ARHGAP28: variants seen among roughly 807,000 people sequenced by gnomAD.
ARHGAP28 encodes the protein Rho GTPase activating protein 28, also known as rho GTPase-activating protein 28.
ARHGAP28 carries 56 observed loss-of-function variants against 90.7 expected under a neutral mutation model. The ratio of observed to expected loss-of-function variants is 0.62; its 90% CI spans 0.50 to 0.77. The LOEUF (loss-of-function observed/expected upper bound fraction) is 0.77, where lower values mean the gene tolerates loss of function less well. ARHGAP28 is among the 30% of genes least tolerant of loss of function. The pLI, the probability that ARHGAP28 is intolerant of heterozygous loss-of-function variation, is 0.00. For missense variants in ARHGAP28, 869 were observed against 900.9 expected (o/e 0.96, Z 0.45); for synonymous variants, 308 against 323.3 (o/e 0.95, Z 0.51).
Position 6,915,483 on chromosome 18 carries a change from AAC to A in ARHGAP28, c.*3331_*3332del, listed in dbSNP as rs1259805550. ...AAAATGTTTGTTTTCAAGCATTTTT[AAC>A]AGTTTTACACACTTACATACACCTT... On this transcript the variant is annotated 3_prime_UTR_variant, in exon 18 of 18. Transcript: ENST00000383472. 1 of 152,078 alleles carries A rather than the reference AAC, an allele frequency of 6.6e-6. No homozygotes were observed. The highest frequency in any genetic ancestry group is 1.9e-4 in the East Asian group (1 of 5,174). 9.4% of individuals were successfully genotyped at this position (152,078 alleles called of 1,614,324 possible).
chr18:6,776,722 C>T (rs910263470), intron 1 of ARHGAP28, among the ~76,000 whole-genome samples: 13 of 152,102 alleles, frequency 8.5e-5, no homozygotes, highest in African/African-American at 2.7e-4. Context: ...CAAGGAGAAA[C>T]GGGGTGTCAG....
chr18:6,760,038 T>C (rs779752660), intron 1 of ARHGAP28, among the ~76,000 whole-genome samples: 14 of 152,204 alleles, frequency 9.2e-5, no homozygotes, highest in Non-Finnish European at 1.5e-4. Context: ...AAGAATTCAA[T>C]GTGCTAAAAT....
intron 1 of ARHGAP28, among the ~76,000 whole-genome samples, chr18:6,780,571 A>AGGTCGTGGC (rs2056316325): frequency 6.6e-6 from 1 of 152,060 alleles, no homozygotes; most frequent in African/African-American, 2.4e-5. Context: ...TATAACATTT[A>AGGTCGTGGC]AGCAATGGAG....
chr18:6,809,758 C>G (rs1483552900), intron 1 of ARHGAP28, among the ~76,000 whole-genome samples: 1 of 152,182 alleles, frequency 6.6e-6, no homozygotes, highest in Non-Finnish European at 1.5e-5. Context: ...GGCCGCACCT[C>G]CAACATTGGG....
chr18:6,907,555 T>A (rs928235818), intron 16 of ARHGAP28, among the ~76,000 whole-genome samples: 3 of 152,178 alleles, frequency 2.0e-5, no homozygotes, highest in Admixed American at 6.5e-5. Context: ...ACAAAAATGT[T>A]TCATACTGTG....
chr18:6,850,652 C>A (rs1441510715), intron 3 of ARHGAP28: 5 of 626,394 alleles, frequency 8.0e-6, no homozygotes, highest in Non-Finnish European at 1.3e-5. Flanking sequence ...CCCAGACACT[C>A]CACCAAGTAG....
intron 2 of ARHGAP28, among the ~76,000 whole-genome samples, chr18:6,825,641 G>T (rs58598552): frequency 0.014 from 2,158 of 152,078 alleles, 45 homozygotes; most frequent in African/African-American, 0.049. Context: ...AGTGTCTATT[G>T]TGCCCATGTT....
In ARHGAP28 at chr18:6,833,610, A is replaced by G. The variant is rs76832170; in HGVS notation, c.326-3587A>G. On this transcript the variant is annotated intron_variant, in intron 2 of 17. Transcript: ENST00000383472. ...CCAATGACTTAGACTCAGGTTATAC[A>G]TCTTTGGCAAGTTGTGATGTTGTGT... Among the ~76,000 whole-genome samples the G allele has an allele frequency of 1.3e-3, 195 of 152,252 alleles. 2 individuals are homozygous for G. In the East Asian group the frequency reaches 0.036, roughly 28 times the overall value.
At chr18:6,819,730 C>T (rs2056614420) in intron 1 of ARHGAP28, among the ~76,000 whole-genome samples, 1 of 152,188 alleles carries the variant, frequency 6.6e-6, no homozygotes, top group South Asian at 2.1e-4. Flanking sequence ...AGAGAGAGAT[C>T]TCTGTAGTCC....
chr18:6,810,653 CT>C (rs1230517659), intron 1 of ARHGAP28, among the ~76,000 whole-genome samples: 1 of 151,882 alleles, frequency 6.6e-6, no homozygotes, highest in African/African-American at 2.4e-5. Flanking sequence ...GGGTTAAGGA[CT>C]GGAAATGTAT....
intron 5 of ARHGAP28, among the ~76,000 whole-genome samples, chr18:6,867,779 G>A (rs961940370): frequency 1.3e-5 from 2 of 151,896 alleles, no homozygotes; most frequent in Admixed American, 6.6e-5. Context: ...TATAATTATC[G>A]AATTATATGA....
chr18:6,896,684 T>A (rs2143785872), intron 16 of ARHGAP28, 58 bp downstream of exon 16: 1 of 1,593,434 alleles, frequency 6.3e-7, no homozygotes, highest in Middle Eastern at 1.9e-4. Context: ...ATCAGATGAA[T>A]AACTTTCTAG....
At chr18:6,879,951 C>A (rs1166834529) in intron 10 of ARHGAP28, among the ~76,000 whole-genome samples, 1 of 152,176 alleles carries the variant, frequency 6.6e-6, no homozygotes. Context: ...TGCCCTGTTG[C>A]CCCTTAGGTG....
chr18:6,782,683 C>T (rs1034340448), intron 1 of ARHGAP28, among the ~76,000 whole-genome samples: 3 of 137,090 alleles, frequency 2.2e-5, no homozygotes, highest in Non-Finnish European at 4.6e-5. Context: ...CTCCTGACCT[C>T]AGGTGATCCA....
chr18:6,880,797 A>G (rs1357769155), intron 10 of ARHGAP28, among the ~76,000 whole-genome samples: 2 of 152,258 alleles, frequency 1.3e-5, no homozygotes, highest in East Asian at 3.9e-4. Flanking sequence ...TTCTTATAGC[A>G]TGTGCACTCT....
rs2057381796 is a variant in ARHGAP28 at position 6,909,273 on chromosome 18, T to TTC, written c.2095+249_2095+250insTC. Among the ~76,000 whole-genome samples the TTC allele has an allele frequency of 3.5e-5, 2 of 57,098 alleles. 1 individual carries two copies. The highest frequency in any genetic ancestry group is 9.5e-5 in the Non-Finnish European group (2 of 21,098). 37.5% of individuals were successfully genotyped at this position (57,098 alleles called of 152,430 possible). Reference sequence around the variant, plus strand: ...GTCTTTTCTTTTCTTTTCTTTTCTTTGCTTTTCTTTTCTTTTCTTTTCTTT... The same window carrying TTC: ...GTCTTTTCTTTTCTTTTCTTTTCTTTTCGCTTTTCTTTTCTTTTCTTTTCTTT... On this transcript the variant is annotated intron_variant, in intron 17 of 17. Coordinates refer to ENST00000383472, the MANE Select transcript of ARHGAP28 (RefSeq NM_001366230.1).
chr18:6,902,818 A>T (rs952124317), intron 16 of ARHGAP28, among the ~76,000 whole-genome samples: 2 of 152,220 alleles, frequency 1.3e-5, no homozygotes, highest in African/African-American at 2.4e-5. Flanking sequence ...ACCTGTGGGT[A>T]CGTGGCCAAA....
chr18:6,756,169 A>G (rs990685391), intron 1 of ARHGAP28, among the ~76,000 whole-genome samples: 2 of 152,208 alleles, frequency 1.3e-5, no homozygotes, highest in East Asian at 1.9e-4. Flanking sequence ...AACATTAAGT[A>G]AAGACCTTAG....
intron 1 of ARHGAP28, among the ~76,000 whole-genome samples, chr18:6,761,735 T>C (rs2056161620): frequency 6.6e-6 from 1 of 152,218 alleles, no homozygotes; most frequent in Admixed American, 6.5e-5. Flanking sequence ...GCCTCCTTCC[T>C]GAATAGTGGT....
Sources: allele counts gnomAD v4.1 joint callset (sites outside exome capture counted in the v4.1 genomes callset), GRCh38; gene constraint gnomAD v4.1.1; transcripts MANE v1.5; gene names NCBI Gene and HGNC (gene_info 2026-07-23, HGNC 2026-07-21).